The following CSMD1 variants were observed in gnomAD, a reference collection of about 807,000 sequenced individuals.
CSMD1 encodes the protein CUB and Sushi multiple domains 1.
Under a neutral mutation model 417.5 loss-of-function variants are expected in CSMD1, and 213 were observed. The observed-to-expected ratio is 0.51, with a 90% confidence interval of 0.46 to 0.57. The LOEUF (loss-of-function observed/expected upper bound fraction) is 0.57. Among genes scored for constraint, CSMD1 ranks in the 20% least tolerant of loss-of-function variants. CSMD1 has a pLI of 0.00. For synonymous variants in CSMD1, 2,862 were observed against 1,736.8 expected, an observed-to-expected ratio of 1.65 and a Z score of -16.11; for missense variants, 6,923 against 4,529.7, an observed-to-expected ratio of 1.53 and a Z score of -15.17.
intron 23 of CSMD1, among the ~76,000 whole-genome samples, chr8:3,320,412 G>A (rs1041341146): frequency 6.6e-6 from 1 of 152,060 alleles, no homozygotes; most frequent in Non-Finnish European, 1.5e-5. Context: ...AAAAACTAAA[G>A]GATTTATGAA....
intron 6 of CSMD1, among the ~76,000 whole-genome samples, chr8:3,741,764 A>G (rs1360784811): frequency 6.7e-6 from 1 of 149,846 alleles, no homozygotes. Flanking sequence ...GGTTGAATTT[A>G]TTTGTGGGAA....
chr8:4,942,696 T>G (rs4442169), intron 1 of CSMD1, among the ~76,000 whole-genome samples: 77,949 of 152,002 alleles, frequency 0.51, 21,252 homozygotes, highest in East Asian at 0.79. Context: ...TGATAGGCAG[T>G]TTGGCAGACA....
At chr8:3,449,554 G>A (rs775464018) in intron 12 of CSMD1, among the ~76,000 whole-genome samples, 1 of 149,798 alleles carries the variant, frequency 6.7e-6, no homozygotes, top group African/African-American at 2.5e-5. Context: ...TTTCTCTCTT[G>A]TTGCCCAGGC....
intron 2 of CSMD1, among the ~76,000 whole-genome samples, chr8:4,427,530 C>A (rs1334175250): frequency 6.6e-6 from 1 of 151,934 alleles, no homozygotes; most frequent in African/African-American, 2.4e-5. Context: ...CTCAAACACA[C>A]ACAGTGAATC....
intron 3 of CSMD1, among the ~76,000 whole-genome samples, chr8:4,077,299 A>G (rs1423883039): frequency 1.0e-3 from 69 of 66,108 alleles, no homozygotes; most frequent in Admixed American, 3.2e-3. Context: ...ATATATGTGT[A>G]TATATATATA....
chr8:4,986,567 G>A lies in CSMD1; in HGVS notation c.85+7765C>T, dbSNP rs967643701. Among the ~76,000 whole-genome samples, 3 of 151,884 alleles carry A rather than the reference G, an allele frequency of 2.0e-5. No homozygotes were observed. The East Asian group carries it at 5.8e-4, about 29-fold the overall frequency. On this transcript the variant is annotated intron_variant, in intron 1 of 69. Coordinates refer to ENST00000635120, the MANE Select transcript of CSMD1 (RefSeq NM_033225.6). ...CATTTAGCCCTTTCTTATATAACAC[G>A]AATGATATCAGAGTATACTAAACAG...
At chr8:4,136,865 T>C (rs922143699) in intron 3 of CSMD1, among the ~76,000 whole-genome samples, 1 of 152,344 alleles carries the variant, frequency 6.6e-6, no homozygotes, top group Non-Finnish European at 1.5e-5. Flanking sequence ...TGTGATTATT[T>C]ACGAATTTCA....
At chr8:3,885,082 G>C (rs1366839535) in intron 5 of CSMD1, among the ~76,000 whole-genome samples, 1 of 151,948 alleles carries the variant, frequency 6.6e-6, no homozygotes, top group Non-Finnish European at 1.5e-5. Flanking sequence ...AAAGCAAGTA[G>C]CTTCTCATAT....
chr8:3,943,579 T>C (rs1299158795), intron 5 of CSMD1, among the ~76,000 whole-genome samples: 4 of 151,848 alleles, frequency 2.6e-5, no homozygotes, highest in Non-Finnish European at 5.9e-5. Flanking sequence ...AAAAGAAAAA[T>C]AGTGACTTTT....
chr8:4,674,316 GA>G (rs1387355254), intron 1 of CSMD1, among the ~76,000 whole-genome samples: 3 of 151,980 alleles, frequency 2.0e-5, no homozygotes, highest in East Asian at 3.9e-4. Context: ...GATTGAGGCT[GA>G]AAAAAATGCT....
At chr8:4,187,732 G>C (rs372634138) in intron 3 of CSMD1, among the ~76,000 whole-genome samples, 2 of 147,422 alleles carry the variant, frequency 1.4e-5, no homozygotes, top group Admixed American at 6.8e-5. Context: ...GTACATTAAG[G>C]CACCATAAAT....
At chr8:3,059,374 C>T (rs1395542827) in intron 49 of CSMD1, among the ~76,000 whole-genome samples, 1 of 130,912 alleles carries the variant, frequency 7.6e-6, no homozygotes, top group East Asian at 2.2e-4. Context: ...CTCTGCTTTT[C>T]TCTGCAACAA....
chr8:4,764,009 A>G (rs1355441484), intron 1 of CSMD1, among the ~76,000 whole-genome samples: 1 of 152,176 alleles, frequency 6.6e-6, no homozygotes, highest in Non-Finnish European at 1.5e-5. Flanking sequence ...TTTTTCATTT[A>G]GATCTTACAA....
At chr8:3,825,655 G>C (rs1405420511) in intron 5 of CSMD1, among the ~76,000 whole-genome samples, 1 of 152,134 alleles carries the variant, frequency 6.6e-6, no homozygotes, top group Non-Finnish European at 1.5e-5. Flanking sequence ...AAATGCGACT[G>C]AGGCCAAGTT....
intron 5 of CSMD1, among the ~76,000 whole-genome samples, chr8:3,772,534 C>T (rs1239767206): frequency 8.7e-5 from 3 of 34,298 alleles, no homozygotes; most frequent in Non-Finnish European, 1.9e-4. Context: ...CACATATATA[C>T]ATATATACAC....
At chr8:2,949,676 G>GAAGAT (rs60411696) in intron 67 of CSMD1, among the ~76,000 whole-genome samples, 1 of 34,066 alleles carries the variant, frequency 2.9e-5, no homozygotes, top group Non-Finnish European at 1.4e-4. Context: ...CTTTCTAAGG[G>GAAGAT]AACACAAACG....
At chr8:4,318,764 G>T (rs1175766053) in intron 3 of CSMD1, among the ~76,000 whole-genome samples, 3 of 148,730 alleles carry the variant, frequency 2.0e-5, no homozygotes, top group African/African-American at 4.9e-5. Flanking sequence ...TCAACCAATA[G>T]ATACCATATA....
intron 3 of CSMD1, among the ~76,000 whole-genome samples, chr8:4,089,338 T>C (rs547329021): frequency 1.2e-3 from 184 of 152,296 alleles, no homozygotes; most frequent in African/African-American, 4.3e-3. Flanking sequence ...GAGCTCGGTA[T>C]GGGGGAAAGC....
At chr8:3,320,847 G>T (rs1055957436) in intron 23 of CSMD1, among the ~76,000 whole-genome samples, 7 of 152,166 alleles carry the variant, frequency 4.6e-5, no homozygotes, top group Non-Finnish European at 8.8e-5. Context: ...CCTGCCTATG[G>T]GGATACAACG....
Sources: allele counts gnomAD v4.1 joint callset (sites outside exome capture counted in the v4.1 genomes callset), GRCh38; gene constraint gnomAD v4.1.1; transcripts MANE v1.5; gene names NCBI Gene and HGNC (gene_info 2026-07-23, HGNC 2026-07-21).